PARVB: variants seen among roughly 807,000 people sequenced by gnomAD.
The protein encoded by PARVB is parvin beta.
Under a neutral mutation model 47.0 loss-of-function variants are expected in PARVB, and 46 were observed. The observed-to-expected ratio is 0.98, with a 90% CI of 0.77 to 1.25. The LOEUF is 1.25. PARVB is among the 50% of genes most tolerant of loss of function. The probability of loss-of-function intolerance (pLI) is 0.00; values close to 1 mark genes in which losing one functional copy is unlikely to be tolerated. For missense variants in PARVB, 473 were observed against 471.6 expected (o/e 1.00, Z -0.03); for synonymous variants, 196 against 196.3 (o/e 1.00, Z 0.01).
Position 44,125,385 on chromosome 22 carries a change from G to A in PARVB, c.377-6102G>A, listed in dbSNP as rs994429818. 3.9e-5 allele frequency among the ~76,000 whole-genome samples: 6 copies of A among 152,186 alleles called. No homozygotes were observed. The highest frequency in any genetic ancestry group is 8.8e-5 in the Non-Finnish European group (6 of 68,030). ...AGAAAGAGAAGTATTATGGGGTGGA[G>A]TGGTTCAACCTGAAACCTAGATGAT... On this transcript the variant is annotated intron_variant, in intron 4 of 12. Coordinates refer to ENST00000338758, the MANE Select transcript of PARVB (RefSeq NM_013327.5). This position sits in a 1 kb window ranked among gnomAD's most constrained non-coding sequence, Gnocchi z 4.1.
chr22:44,132,193 GTGCTT>G (rs2053342608), intron 5 of PARVB, among the ~76,000 whole-genome samples: 1 of 152,170 alleles, frequency 6.6e-6, no homozygotes. Flanking sequence ...AGAGGTCTCC[GTGCTT>G]TGGTGAGCTG....
chr22:44,147,681 G>T, intron 8 of PARVB, 180 bp from the exon 9 acceptor site: 1 of 756,098 alleles, frequency 1.3e-6, no homozygotes. Flanking sequence ...GCCTTGGTTT[G>T]GCCGGGACTG....
chr22:44,008,913 C>T (rs1192815748), intron 2 of PARVB, among the ~76,000 whole-genome samples: 4 of 152,152 alleles, frequency 2.6e-5, no homozygotes, highest in Admixed American at 6.5e-5. Context: ...GGCGTGAACC[C>T]GGGAGGCAGA....
intron 10 of PARVB, among the ~76,000 whole-genome samples, chr22:44,156,131 A>G (rs575769503): frequency 1.3e-5 from 2 of 151,690 alleles, no homozygotes; most frequent in South Asian, 4.2e-4. Context: ...GCACCACTGC[A>G]CTCCAGCAGG....
chr22:44,149,010 C>T (rs185289499), intron 9 of PARVB: 12 of 152,300 alleles, frequency 7.9e-5, no homozygotes, highest in East Asian at 7.7e-4. Flanking sequence ...CTGACAGAAC[C>T]GGTTCAGGGA....
chr22:44,060,710 G>T (rs1267156834), intron 1 of PARVB, among the ~76,000 whole-genome samples: 3 of 152,028 alleles, frequency 2.0e-5, no homozygotes, highest in Non-Finnish European at 4.4e-5. Context: ...AAACAAGCAG[G>T]ATGGGAAGAG....
chr22:44,112,688 A>C, intron 3 of PARVB: 1 of 74,204 alleles, frequency 1.3e-5, no homozygotes. Flanking sequence ...ACCAACACGG[A>C]TACATTGTTA....
intron 1 of PARVB, among the ~76,000 whole-genome samples, chr22:44,078,463 G>A (rs2051825602): frequency 6.6e-6 from 1 of 152,192 alleles, no homozygotes; most frequent in Admixed American, 6.5e-5. Flanking sequence ...AGGCATGGGG[G>A]AAGTGGTAAG....
At chr22:44,133,053 G>T in intron 6 of PARVB, 44 bp downstream of exon 6, 1 of 1,354,806 alleles carries the variant, frequency 7.4e-7, no homozygotes. Context: ...CTCCGCCAGA[G>T]AGGCAACATC....
intron 4 of PARVB, 89 bp downstream of exon 4, chr22:44,119,229 G>A (rs755318053): frequency 1.7e-5 from 15 of 890,746 alleles, no homozygotes; most frequent in East Asian, 4.8e-5. Flanking sequence ...TAGTGACATC[G>A]GCCACAGGTC....
intron 9 of PARVB, chr22:44,149,907 G>C (rs2053765868): frequency 6.6e-6 from 1 of 152,208 alleles, no homozygotes. Flanking sequence ...TGTAATCCTA[G>C]CACTTTGGAA....
chr22:44,052,022 G>A (rs1345735639), intron 1 of PARVB, among the ~76,000 whole-genome samples: 1 of 152,190 alleles, frequency 6.6e-6, no homozygotes, highest in Non-Finnish European at 1.5e-5. Context: ...TGAGAGCACG[G>A]CTCTGCCGAC....
At chr22:44,050,135 G>T (rs991775561) in intron 1 of PARVB, among the ~76,000 whole-genome samples, 1 of 152,160 alleles carries the variant, frequency 6.6e-6, no homozygotes, top group African/African-American at 2.4e-5. Flanking sequence ...GAGTCTCGTT[G>T]GCGGCTCTCC....
At chr22:44,157,895 A>T in intron 10 of PARVB, 87 bp from the exon 11 acceptor site, 1 of 896,440 alleles carries the variant, frequency 1.1e-6, no homozygotes, top group Non-Finnish European at 1.8e-6. Flanking sequence ...CCTGTCTCAG[A>T]AGAAAAAATA....
rs201260622 is a variant in PARVB at position 44,062,639 on chromosome 22, A to AC, written c.113-31289_113-31288insC. ...GCAACAAGAGCAAAACCCTGTCTGGAAAAAAAAAAAAAAGAACTCAGGGAA... is the reference window on the plus strand; with the variant it reads ...GCAACAAGAGCAAAACCCTGTCTGGACAAAAAAAAAAAAAGAACTCAGGGAA... On this transcript the variant is annotated intron_variant, in intron 1 of 12. Transcript: ENST00000338758. Among the ~76,000 whole-genome samples the AC allele has an allele frequency of 1.7e-3, 232 of 137,432 alleles. 5 individuals carry two copies. In the East Asian group the frequency reaches 0.037, roughly 22 times the overall value. The allele number at this position is 137,432 out of a possible 152,430, so 90.2% of individuals were successfully genotyped here.
At chr22:44,069,237 A>G (rs2051600291) in intron 1 of PARVB, 1 of 1,373,064 alleles carries the variant, frequency 7.3e-7, no homozygotes, top group Non-Finnish European at 1.0e-6. Flanking sequence ...TTTCTGCTTT[A>G]TGGCAGAATT....
upstream of PARVB, among the ~76,000 whole-genome samples, chr22:44,021,759 T>TCACACACACACA (rs3223605): frequency 1.3e-3 from 136 of 102,778 alleles, 2 homozygotes; most frequent in Middle Eastern, 4.8e-3. Flanking sequence ...AAGTCTAGAC[T>TCACACACACACA]CACACACACA....
At chr22:44,092,345 G>A (rs138904768) in intron 1 of PARVB, among the ~76,000 whole-genome samples, 9,056 of 152,230 alleles carry the variant, frequency 0.059, 306 homozygotes, top group Middle Eastern at 0.11. Flanking sequence ...TCTTGACCTC[G>A]TGATCCACCT....
In PARVB at chr22:44,120,046, C is replaced by T. The variant is rs868093855; in HGVS notation, c.376+906C>T. On this transcript the variant is annotated intron_variant, in intron 4 of 12. Transcript: ENST00000338758. Reference sequence around the variant, plus strand: ...TGGTCCTAGGGGGCAGTACTGCCATCGCCTTCGACAGGTGGGGACGTTGGG... The same window carrying T: ...TGGTCCTAGGGGGCAGTACTGCCATTGCCTTCGACAGGTGGGGACGTTGGG... 22 of 359,686 alleles carry T rather than the reference C, an allele frequency of 6.1e-5. No individual in the cohort carries two copies. The Admixed American group carries it at 7.4e-4, about 12-fold the overall frequency. 22.3% of individuals were successfully genotyped at this position (359,686 alleles called of 1,614,324 possible).
Sources: allele counts gnomAD v4.1 joint callset (sites outside exome capture counted in the v4.1 genomes callset), GRCh38; gene constraint gnomAD v4.1.1; non-coding constraint Gnocchi (gnomAD v3.1); transcripts MANE v1.5; gene names NCBI Gene and HGNC (gene_info 2026-07-23, HGNC 2026-07-21).